TTC39B: variants seen among roughly 807,000 people sequenced by gnomAD.
TTC39B encodes the protein tetratricopeptide repeat protein 39B.
TTC39B carries 92 observed loss-of-function variants against 96.6 expected under a neutral mutation model. The ratio of observed to expected loss-of-function variants is 0.95; its 90% CI spans 0.80 to 1.13. The LOEUF is 1.13. Ranked by LOEUF, TTC39B falls within the 50% of genes most tolerant of loss-of-function variation. The probability of loss-of-function intolerance (pLI) is 0.00; values close to 1 mark genes in which losing one functional copy is unlikely to be tolerated. For missense variants in TTC39B, 955 were observed against 809.3 expected (o/e 1.18, Z -2.18); for synonymous variants, 367 against 299.4 (o/e 1.23, Z -2.33).
intron 1 of TTC39B, among the ~76,000 whole-genome samples, chr9:15,269,809 C>T (rs1483533490): frequency 6.8e-6 from 1 of 146,362 alleles, no homozygotes; most frequent in African/African-American, 2.5e-5. Context: ...GAGCCGAGAT[C>T]ATGCCATTGC....
intron 3 of TTC39B, among the ~76,000 whole-genome samples, chr9:15,216,501 T>A (rs1820525693): frequency 6.6e-6 from 1 of 152,168 alleles, no homozygotes; most frequent in Admixed American, 6.5e-5. Flanking sequence ...TGCTAGGAGT[T>A]CATAAACCTC....
intron 2 of TTC39B, among the ~76,000 whole-genome samples, chr9:15,246,293 C>G (rs1822272779): frequency 6.6e-6 from 1 of 152,102 alleles, no homozygotes; most frequent in South Asian, 2.1e-4. Context: ...ACCAGAGTCA[C>G]ATAACATTTT....
At chr9:15,265,297 G>C (rs1397863165) in intron 2 of TTC39B, among the ~76,000 whole-genome samples, 1 of 152,196 alleles carries the variant, frequency 6.6e-6, no homozygotes, top group African/African-American at 2.4e-5. Flanking sequence ...AGAAGCACAA[G>C]CATCAATGTG....
rs114618554 is a variant in TTC39B, at chr9:15,195,362, G to A, written c.825-2667C>T. Among the ~76,000 whole-genome samples the A allele has an allele frequency of 4.3e-3, 659 of 152,158 alleles. 7 individuals are homozygous for A. The highest frequency in any genetic ancestry group is 0.015 in the African/African-American group (622 of 41,520). ...AGGTTGTTTCATGAATTTAAGGAAA[G>A]ACACCATCTCTATAACAAAAAAGTG... On this transcript the variant is annotated intron_variant, in intron 8 of 19. Transcript: ENST00000512701.
chr9:15,228,942 T>G (rs1309266812), intron 2 of TTC39B, among the ~76,000 whole-genome samples: 1 of 152,236 alleles, frequency 6.6e-6, no homozygotes, highest in Non-Finnish European at 1.5e-5. Context: ...TTCTTTATGT[T>G]TGTATACACA....
chr9:15,213,998 T>C (rs1315249217), intron 4 of TTC39B, 141 bp downstream of exon 4: 1 of 531,182 alleles, frequency 1.9e-6, no homozygotes, highest in Non-Finnish European at 3.2e-6. Context: ...ATTTTAAAAG[T>C]GACCAAAGTA....
At position 15,199,921 on chromosome 9, in the gene TTC39B, TC is replaced by T. The variant is rs1480533302; in HGVS notation, c.763del (p.Glu255LysfsTer3). The T allele has an allele frequency of 6.5e-7, 1 of 1,539,998 alleles. No homozygotes were observed. The highest frequency in any genetic ancestry group is 1.4e-5 in the African/African-American group (1 of 72,720). On this transcript the variant is annotated frameshift_variant, in exon 8 of 20. Coordinates refer to ENST00000512701, the Ensembl canonical transcript of TTC39B. LOFTEE classifies it high-confidence loss of function. ...ACCTTTGATGAAGTTGATCATATTTTCATCCTGAAAATAATTCAGTTAAAAA... is the reference window on the plus strand; with the variant it reads ...ACCTTTGATGAAGTTGATCATATTTTATCCTGAAAATAATTCAGTTAAAAA...
chr9:15,294,212 TG>T (rs1824290245), intron 1 of TTC39B, among the ~76,000 whole-genome samples: 1 of 32,948 alleles, frequency 3.0e-5, no homozygotes, highest in African/African-American at 1.2e-4. Flanking sequence ...TGCTAGCAGC[TG>T]GAAAAAAAAA....
chr9:15,226,531 T>C (rs571244125), intron 2 of TTC39B, among the ~76,000 whole-genome samples: 1 of 152,314 alleles, frequency 6.6e-6, no homozygotes, highest in East Asian at 1.9e-4. Context: ...TGTAGGTTAC[T>C]CCCAAAGTTT....
intron 2 of TTC39B, among the ~76,000 whole-genome samples, chr9:15,262,344 C>A (rs1174967340): frequency 6.6e-6 from 1 of 152,124 alleles, no homozygotes; most frequent in African/African-American, 2.4e-5. Context: ...GGTGATCCAC[C>A]CACCTCAGCC....
At chr9:15,290,112 A>C (rs1421263691) in intron 1 of TTC39B, among the ~76,000 whole-genome samples, 1 of 152,112 alleles carries the variant, frequency 6.6e-6, no homozygotes, top group African/African-American at 2.4e-5. Flanking sequence ...TTAATTTTTT[A>C]ATTATTTTAA....
At chr9:15,188,204 A>T (rs1294325381) in intron 13 of TTC39B, 72 bp from the exon 14 acceptor site, 1 of 1,459,048 alleles carries the variant, frequency 6.9e-7, no homozygotes, top group South Asian at 1.4e-5. Flanking sequence ...GGAAAAATAC[A>T]TAAAACACTT....
In TTC39B at chr9:15,241,294, TA is replaced by T. The variant is rs544903456; in HGVS notation, c.276-15283del. Among the ~76,000 whole-genome samples the T allele has an allele frequency of 2.3e-3, 325 of 142,190 alleles. 1 individual carries two copies. Among genetic ancestry groups the T allele is most frequent in the Middle Eastern group, 0.011 (3 of 278 alleles). The allele number at this position is 142,190 out of a possible 152,430, so 93.3% of individuals were successfully genotyped here. On this transcript the variant is annotated intron_variant, in intron 2 of 19. Transcript: ENST00000512701. ...GGGATTAAAATAGAGAATGCAAGGT[TA>T]AAAAAAAAAAAACTCTGCAAAACAA...
rs1337788101 is a variant in TTC39B at position 15,304,586 on chromosome 9, C to A, written c.240+2498G>T. Among the ~76,000 whole-genome samples, 2 of 152,132 alleles carry A rather than the reference C, an allele frequency of 1.3e-5. 1 individual carries two copies. The highest frequency in any genetic ancestry group is 2.9e-5 in the Non-Finnish European group (2 of 68,002). On this transcript the variant is annotated intron_variant, in intron 1 of 19. Transcript: ENST00000512701. ...ACCATTATCATTCATTCCTTGGGTACTTTTAAAGAAAAAGATTTCCATATT... is the reference window on the plus strand; with the variant it reads ...ACCATTATCATTCATTCCTTGGGTAATTTTAAAGAAAAAGATTTCCATATT...
intron 2 of TTC39B, among the ~76,000 whole-genome samples, chr9:15,248,644 C>G (rs1205017302): frequency 7.2e-6 from 1 of 139,390 alleles, no homozygotes; most frequent in Admixed American, 7.1e-5. Flanking sequence ...AATGAATGAA[C>G]GAATATAAGA....
intron 19 of TTC39B, among the ~76,000 whole-genome samples, 172 bp from the exon 20 acceptor site, chr9:15,172,281 C>G (rs531307781): frequency 6.6e-6 from 1 of 152,136 alleles, no homozygotes; most frequent in African/African-American, 2.4e-5. Flanking sequence ...TTGGGGGGAA[C>G]TGCAATAATC....
At chr9:15,184,212 G>C (rs1818399067) in intron 16 of TTC39B, among the ~76,000 whole-genome samples, 1 of 152,152 alleles carries the variant, frequency 6.6e-6, no homozygotes, top group South Asian at 2.1e-4. Context: ...TAAATTGGTA[G>C]AGCTTTTTTT....
intron 2 of TTC39B, among the ~76,000 whole-genome samples, chr9:15,256,570 C>T (rs993710946): frequency 6.6e-6 from 1 of 152,104 alleles, no homozygotes; most frequent in African/African-American, 2.4e-5. Flanking sequence ...GATCAAAAAA[C>T]AAGTAACAAT....
At chr9:15,192,482 A>G (rs1389917237) in intron 9 of TTC39B, 108 bp downstream of exon 9, 12 of 828,178 alleles carry the variant, frequency 1.4e-5, no homozygotes, top group Admixed American at 1.2e-4. Flanking sequence ...CTGTTTGTCA[A>G]CCAACCCAAG....
Sources: allele counts gnomAD v4.1 joint callset (sites outside exome capture counted in the v4.1 genomes callset), GRCh38; gene constraint gnomAD v4.1.1; transcripts MANE v1.5; gene names NCBI Gene and HGNC (gene_info 2026-07-23, HGNC 2026-07-21).